SNX18: variants seen among roughly 807,000 people sequenced by gnomAD.
The protein encoded by SNX18 is sorting nexin-18.
Under a neutral mutation model 48.7 loss-of-function variants are expected in SNX18, and 35 were observed. That is an observed-to-expected ratio of 0.72 (90% CI 0.55 to 0.95). The LOEUF is 0.95. Ranked by LOEUF, SNX18 falls within the 40% of genes least tolerant of loss-of-function variation. The probability of loss-of-function intolerance (pLI) is 0.00; values close to 1 mark genes in which losing one functional copy is unlikely to be tolerated. For synonymous variants in SNX18, 492 were observed against 384.7 expected, an observed-to-expected ratio of 1.28 and a Z score of -3.26; for missense variants, 824 against 871.0, an observed-to-expected ratio of 0.95 and a Z score of 0.68.
the SNX18 span, among the ~76,000 whole-genome samples, chr5:54,576,360 G>A: frequency 3.2e-4 from 49 of 152,350 alleles, 1 homozygote; most frequent in African/African-American, 1.1e-3. Flanking sequence ...GCTATGGTAC[G>A]TGGCAGGTCT....
At chr5:54,534,055 G>A (rs892502612) in intron 1 of SNX18, among the ~76,000 whole-genome samples, 1 of 152,068 alleles carries the variant, frequency 6.6e-6, no homozygotes, top group African/African-American at 2.4e-5. Context: ...AAGAAAAACA[G>A]GCCGAGTCCA....
the SNX18 span, among the ~76,000 whole-genome samples, chr5:54,615,732 GA>G: frequency 3.3e-5 from 5 of 152,160 alleles, no homozygotes; most frequent in East Asian, 5.8e-4. Flanking sequence ...AGCTCTGGAG[GA>G]AAAAAATGTG....
At chr5:54,533,430 T>C (rs1762287372) in intron 1 of SNX18, among the ~76,000 whole-genome samples, 1 of 152,168 alleles carries the variant, frequency 6.6e-6, no homozygotes, top group African/African-American at 2.4e-5. Context: ...CATCCCTATG[T>C]TGGTGGCATA....
the SNX18 span, among the ~76,000 whole-genome samples, chr5:54,638,870 C>T: frequency 9.9e-5 from 15 of 152,156 alleles, no homozygotes; most frequent in Non-Finnish European, 1.9e-4. Flanking sequence ...GACCTCAAGA[C>T]CTCATAACAT....
chr5:54,558,782 C>T, the SNX18 span, among the ~76,000 whole-genome samples: 4 of 151,764 alleles, frequency 2.6e-5, no homozygotes, highest in Non-Finnish European at 5.9e-5. Context: ...ACAGGTTGTT[C>T]GATGTAAAAA....
chr5:54,559,033 T>C, the SNX18 span, among the ~76,000 whole-genome samples: 1 of 149,632 alleles, frequency 6.7e-6, no homozygotes, highest in African/African-American at 2.4e-5. Context: ...GTGAAAGAGC[T>C]CTACAAGGAG....
At chr5:54,625,545 G>A in the SNX18 span, among the ~76,000 whole-genome samples, 4 of 152,124 alleles carry the variant, frequency 2.6e-5, no homozygotes, top group African/African-American at 9.7e-5. Context: ...AAGAGAGACA[G>A]GGTGGGCAAG....
At chr5:54,633,071 C>A in the SNX18 span, among the ~76,000 whole-genome samples, 1 of 152,006 alleles carries the variant, frequency 6.6e-6, no homozygotes, top group South Asian at 2.1e-4. Flanking sequence ...GCGCCCGGCC[C>A]AGGGTAGTAT....
At chr5:54,625,526 T>C in the SNX18 span, among the ~76,000 whole-genome samples, 1 of 152,108 alleles carries the variant, frequency 6.6e-6, no homozygotes, top group African/African-American at 2.4e-5. Flanking sequence ...GAGTGAAGGC[T>C]CTGAGGGAAA....
At chr5:54,574,308 G>A in the SNX18 span, among the ~76,000 whole-genome samples, 1 of 152,226 alleles carries the variant, frequency 6.6e-6, no homozygotes, top group Non-Finnish European at 1.5e-5. Context: ...ATCTCAAGAA[G>A]TAGGAAGCAG....
At chr5:54,637,986 G>GGAGAGAGAGAGA in the SNX18 span, among the ~76,000 whole-genome samples, 116 of 149,420 alleles carry the variant, frequency 7.8e-4, 1 homozygote, top group Middle Eastern at 3.4e-3. Context: ...CTGCTGGACT[G>GGAGAGAGAGAGA]GAGAGAGAGA....
chr5:54,597,586 T>G, the SNX18 span, among the ~76,000 whole-genome samples: 1 of 152,084 alleles, frequency 6.6e-6, no homozygotes, highest in African/African-American at 2.4e-5. Flanking sequence ...AGTAAGAAAC[T>G]TATTCAAAAT....
chr5:54,530,812 C>T (rs1315965353), intron 1 of SNX18, among the ~76,000 whole-genome samples: 2 of 125,664 alleles, frequency 1.6e-5, no homozygotes, highest in East Asian at 5.1e-4. Flanking sequence ...AGTGCAGTGG[C>T]GTGATCTCGG....
the SNX18 span, among the ~76,000 whole-genome samples, chr5:54,608,227 T>A: frequency 2.6e-5 from 4 of 152,280 alleles, no homozygotes; most frequent in East Asian, 5.8e-4. Context: ...AGGTGTGTGG[T>A]CATATTATGG....
In SNX18 at chr5:54,543,511, A is replaced by G. The variant is rs1762511985; in HGVS notation, c.*79A>G. On this transcript the variant is annotated 3_prime_UTR_variant, in exon 2 of 2. Coordinates refer to ENST00000381410, the MANE Select transcript of SNX18 (RefSeq NM_001102575.2). ...GAATAAAAACTGCTGTCAAAGAGCT[A>G]TTGCCAGCTATCAGTGGTGGTACAA... 3.3e-6 allele frequency: 5 copies of G among 1,521,292 alleles called. No individual in the cohort carries two copies. Among genetic ancestry groups the G allele is most frequent in the South Asian group, 1.3e-5 (1 of 78,326 alleles). The allele number at this position is 1,521,292 out of a possible 1,614,324, so 94.2% of individuals were successfully genotyped here.
chr5:54,560,034 T>C, the SNX18 span, among the ~76,000 whole-genome samples: 1 of 152,128 alleles, frequency 6.6e-6, no homozygotes, highest in African/African-American at 2.4e-5. Context: ...AGTGGGAATG[T>C]AAATTAGTTC....
At chr5:54,588,655 C>T in the SNX18 span, among the ~76,000 whole-genome samples, 1 of 152,170 alleles carries the variant, frequency 6.6e-6, no homozygotes, top group Non-Finnish European at 1.5e-5. Context: ...TAACCACAAT[C>T]ACTTACTAGT....
At chr5:54,604,104 T>C in the SNX18 span, among the ~76,000 whole-genome samples, 1 of 152,180 alleles carries the variant, frequency 6.6e-6, no homozygotes, top group Admixed American at 6.5e-5. Flanking sequence ...TCGTGAAGGT[T>C]TCATCCTAGT....
chr5:54,571,273 C>T, the SNX18 span, among the ~76,000 whole-genome samples: 9 of 152,086 alleles, frequency 5.9e-5, no homozygotes, highest in East Asian at 3.9e-4. Flanking sequence ...GAGCAGCAGG[C>T]GAGGCTGTCC....
Sources: gnomAD v4.1 joint callset for allele counts (sites outside exome capture counted in the v4.1 genomes callset) on GRCh38, gnomAD v4.1.1 for gene constraint, MANE v1.5 for transcripts, NCBI Gene and HGNC (gene_info 2026-07-23, HGNC 2026-07-21) for gene names.